Variants in LCMT1 observed in about 807,000 individuals in gnomAD.
LCMT1 encodes leucine carboxyl methyltransferase 1, also known as [Phosphatase 2A protein]-leucine-carboxy methyltransferase 1.
In LCMT1, 32 loss-of-function variants were observed where a neutral mutation model predicts 47.7. The ratio of observed to expected loss-of-function variants is 0.67; its 90% confidence interval spans 0.51 to 0.90. LCMT1 has a LOEUF of 0.90. LCMT1 is among the 40% of genes least tolerant of loss of function. The pLI, the probability that LCMT1 is intolerant of heterozygous loss-of-function variation, is 0.00. For missense variants in LCMT1, 375 were observed against 415.2 expected, an observed-to-expected ratio of 0.90 and a Z score of 0.84; for synonymous variants, 152 against 149.7, an observed-to-expected ratio of 1.02 and a Z score of -0.11.
intron 2 of LCMT1, among the ~76,000 whole-genome samples, chr16:25,130,959 G>T (rs1960334659): frequency 2.0e-5 from 3 of 152,236 alleles, no homozygotes; most frequent in Admixed American, 2.0e-4. Context: ...TGGCTTAGCA[G>T]TGTAAAGCCT....
At chr16:25,122,257 C>G (rs959542966) in intron 1 of LCMT1, among the ~76,000 whole-genome samples, 1 of 151,726 alleles carries the variant, frequency 6.6e-6, no homozygotes, top group African/African-American at 2.4e-5. Context: ...CACTTAAAAT[C>G]TGCTCATTGT....
intron 4 of LCMT1, chr16:25,140,468 C>T (rs1960651697): frequency 1.9e-6 from 1 of 513,858 alleles, no homozygotes; most frequent in South Asian, 3.1e-5. Context: ...CTCTATGGCT[C>T]CCCATGTAAT....
At chr16:25,158,072 A>T (rs550819972) in intron 5 of LCMT1, among the ~76,000 whole-genome samples, 3 of 152,342 alleles carry the variant, frequency 2.0e-5, no homozygotes, top group African/African-American at 7.2e-5. Context: ...CGTGCCCTGT[A>T]GGGCACTTTA....
intron 4 of LCMT1, chr16:25,144,687 T>A (rs1402720936): frequency 6.6e-6 from 1 of 151,734 alleles, no homozygotes; most frequent in Admixed American, 6.6e-5. Context: ...TGGTGGGGAG[T>A]CATAGCTTCT....
chr16:25,155,538 C>T (rs1197245162), intron 5 of LCMT1, among the ~76,000 whole-genome samples: 1 of 152,140 alleles, frequency 6.6e-6, no homozygotes, highest in Non-Finnish European at 1.5e-5. Context: ...CAGAGCATGA[C>T]CCTTTCTCTC....
intron 10 of LCMT1, 62 bp from the exon 11 acceptor site, chr16:25,177,939 T>A: frequency 6.6e-7 from 1 of 1,515,540 alleles, no homozygotes; most frequent in South Asian, 1.1e-5. Context: ...GGGGGTCCTC[T>A]AGGGGCCTCT....
At chr16:25,161,370 T>A (rs948341250) in intron 6 of LCMT1, among the ~76,000 whole-genome samples, 166 bp downstream of exon 6, 8 of 152,126 alleles carry the variant, frequency 5.3e-5, no homozygotes, top group African/African-American at 1.9e-4. Flanking sequence ...TTTTTTTTTT[T>A]TTTGAGGTGG....
chr16:25,156,843 G>A (rs571886113), intron 5 of LCMT1, among the ~76,000 whole-genome samples: 2 of 152,118 alleles, frequency 1.3e-5, no homozygotes, highest in East Asian at 3.9e-4. Context: ...GTTATTCCCA[G>A]GACTTGGCTC....
chr16:25,165,135 T>G (rs1220302231), intron 7 of LCMT1, among the ~76,000 whole-genome samples: 1 of 152,122 alleles, frequency 6.6e-6, no homozygotes, highest in African/African-American at 2.4e-5. Flanking sequence ...CCACGTCCCA[T>G]CTCACAGGAG....
At chr16:25,175,721 G>C (rs1961911319) in intron 10 of LCMT1, among the ~76,000 whole-genome samples, 1 of 152,156 alleles carries the variant, frequency 6.6e-6, no homozygotes, top group African/African-American at 2.4e-5. Context: ...ATGAGCCACT[G>C]TGCCTGGCCG....
At chr16:25,150,998 G>A (rs1259685142) in intron 4 of LCMT1, among the ~76,000 whole-genome samples, 2 of 152,132 alleles carry the variant, frequency 1.3e-5, no homozygotes, top group East Asian at 1.9e-4. Flanking sequence ...ATGGTTTCCG[G>A]GGACAGAAAG....
At chr16:25,128,441 T>C in intron 1 of LCMT1, 34 bp from the exon 2 acceptor site, 1 of 1,513,772 alleles carries the variant, frequency 6.6e-7, no homozygotes, top group Non-Finnish European at 9.1e-7. Flanking sequence ...CTACTCAATC[T>C]CTACTCACCT....
chr16:25,175,865 A>C (rs771698634), intron 10 of LCMT1, among the ~76,000 whole-genome samples: 1 of 152,196 alleles, frequency 6.6e-6, no homozygotes, highest in Non-Finnish European at 1.5e-5. Flanking sequence ...TTATAGCACA[A>C]AAACCAAGAG....
intron 10 of LCMT1, among the ~76,000 whole-genome samples, chr16:25,176,774 C>T (rs1961958256): frequency 6.7e-6 from 1 of 148,960 alleles, no homozygotes; most frequent in Non-Finnish European, 1.5e-5. Context: ...GTTGGCCAGG[C>T]TGGTCTCGAA....
intron 1 of LCMT1, among the ~76,000 whole-genome samples, chr16:25,114,106 T>C (rs559933306): frequency 2.6e-5 from 4 of 152,238 alleles, no homozygotes; most frequent in Non-Finnish European, 5.9e-5. Flanking sequence ...AGTTGCTGAA[T>C]GTGCAGTAGC....
At chr16:25,122,372 C>G (rs1042432930) in intron 1 of LCMT1, among the ~76,000 whole-genome samples, 6 of 152,198 alleles carry the variant, frequency 3.9e-5, no homozygotes, top group Non-Finnish European at 5.9e-5. Context: ...GTGGCACAAT[C>G]TTGGGTCACT....
At chr16:25,142,646 G>A (rs1453449212) in intron 4 of LCMT1, 1 of 152,180 alleles carries the variant, frequency 6.6e-6, no homozygotes, top group African/African-American at 2.4e-5. Flanking sequence ...TGATGGGGAG[G>A]AGTAGGAACA....
At chr16:25,168,759 G>T (rs769274813) in intron 7 of LCMT1, among the ~76,000 whole-genome samples, 3 of 152,068 alleles carry the variant, frequency 2.0e-5, no homozygotes, top group Non-Finnish European at 2.9e-5. Flanking sequence ...ATACAAACAT[G>T]CCAGGAGTTA....
At chr16:25,172,333 A>G (rs1394399568) in intron 9 of LCMT1, among the ~76,000 whole-genome samples, 1 of 152,016 alleles carries the variant, frequency 6.6e-6, no homozygotes. Flanking sequence ...TAGGGTACAT[A>G]GTATTTATAT....
Sources: gnomAD v4.1 joint callset for allele counts (sites outside exome capture counted in the v4.1 genomes callset) on GRCh38, gnomAD v4.1.1 for gene constraint, MANE v1.5 for transcripts, NCBI Gene and HGNC (gene_info 2026-07-23, HGNC 2026-07-21) for gene names.